Variants in ATP11C observed in about 807,000 individuals in gnomAD.
ATP11C encodes the protein phospholipid-transporting ATPase IG.
In ATP11C, 36 loss-of-function variants were observed where a neutral mutation model predicts 97.4. The observed-to-expected ratio is 0.37, with a 90% confidence interval of 0.28 to 0.49. The LOEUF (loss-of-function observed/expected upper bound fraction) is 0.49, where lower values mean the gene tolerates loss of function less well. ATP11C is among the 20% of genes least tolerant of loss of function. The pLI is 0.98. For synonymous variants in ATP11C, 275 were observed against 290.9 expected, an observed-to-expected ratio of 0.95 and a Z score of 0.56; for missense variants, 730 against 824.6, an observed-to-expected ratio of 0.89 and a Z score of 1.40.
chrX:139,767,147 A>T, intron 20 of ATP11C, among the ~76,000 whole-genome samples: 1 of 111,795 alleles, frequency 8.9e-6, no homozygotes. Flanking sequence ...GGACTAAGAA[A>T]CTACTGAAAG....
At chrX:139,760,697 T>C (rs1296637187) in intron 22 of ATP11C, among the ~76,000 whole-genome samples, 5 of 111,614 alleles carry the variant, frequency 4.5e-5, no homozygotes, top group African/African-American at 1.3e-4. Context: ...TATACGCTAA[T>C]GCTTGGTGAT....
intron 1 of ATP11C, among the ~76,000 whole-genome samples, chrX:139,865,100 G>A (rs1216951460): frequency 8.9e-6 from 1 of 112,166 alleles, no homozygotes. Flanking sequence ...TTTAAGGCCA[G>A]GCACTGTGGC....
At chrX:139,838,706 T>A (rs2147919637) in intron 1 of ATP11C, among the ~76,000 whole-genome samples, 1 of 112,445 alleles carries the variant, frequency 8.9e-6, no homozygotes, top group South Asian at 3.7e-4. Context: ...CACGGTACTT[T>A]GGGAGGCCAA....
intron 1 of ATP11C, among the ~76,000 whole-genome samples, chrX:139,874,927 A>G (rs2084444424): frequency 9.0e-6 from 1 of 111,381 alleles, no homozygotes; most frequent in African/African-American, 3.3e-5. Context: ...TTCCAAGACC[A>G]GCCAAATGTC....
In ATP11C at chrX:139,728,707, A is replaced by G; in HGVS notation, c.*259T>C. On this transcript the variant is annotated 3_prime_UTR_variant, in exon 30 of 30. Coordinates refer to ENST00000682941, the MANE Select transcript of ATP11C (RefSeq NM_001353812.2). ...AGAATTCTAAGTATTCTTGCTTTCAACTTTCATATAATTCTTAACTTACAG... is the reference window on the plus strand; with the variant it reads ...AGAATTCTAAGTATTCTTGCTTTCAGCTTTCATATAATTCTTAACTTACAG... The G allele has an allele frequency of 2.9e-6, 1 of 348,904 alleles. No homozygotes were observed. Among genetic ancestry groups the G allele is most frequent in the Non-Finnish European group, 5.1e-6 (1 of 197,864 alleles). 28.8% of individuals were successfully genotyped at this position (348,904 alleles called of 1,213,427 possible).
chrX:139,813,478 T>C (rs1215007694), intron 5 of ATP11C, among the ~76,000 whole-genome samples: 1 of 112,417 alleles, frequency 8.9e-6, no homozygotes, highest in Non-Finnish European at 1.9e-5. Flanking sequence ...CAAATGTTTA[T>C]AGCAGTTTTA....
At chrX:139,796,502 G>T in intron 11 of ATP11C, 32 bp from the exon 12 acceptor site, 1 of 955,265 alleles carries the variant, frequency 1.0e-6, no homozygotes, top group Non-Finnish European at 1.5e-6. Flanking sequence ...ATGCTAATTA[G>T]ACATACAATT....
intron 1 of ATP11C, among the ~76,000 whole-genome samples, chrX:139,929,335 G>A (rs750480395): frequency 9.0e-6 from 1 of 111,462 alleles, no homozygotes; most frequent in Non-Finnish European, 1.9e-5. Flanking sequence ...AGAAAGAAAG[G>A]AACACAGTTA....
At chrX:139,850,696 C>T (rs909657319) in intron 1 of ATP11C, among the ~76,000 whole-genome samples, 1 of 110,762 alleles carries the variant, frequency 9.0e-6, no homozygotes, top group African/African-American at 3.3e-5. Context: ...GGGTGGATCA[C>T]GAGGTCAGGA....
intron 12 of ATP11C, among the ~76,000 whole-genome samples, chrX:139,790,832 C>T (rs892619413): frequency 4.5e-5 from 5 of 111,328 alleles, no homozygotes; most frequent in Non-Finnish European, 3.8e-5. Context: ...AAGTATAACA[C>T]AAGTATATTT....
intron 1 of ATP11C, among the ~76,000 whole-genome samples, chrX:139,839,247 T>A (rs181410666): frequency 1.8e-5 from 2 of 111,901 alleles, no homozygotes; most frequent in East Asian, 5.6e-4. Flanking sequence ...AGTAACTGTT[T>A]AATAAGTATG....
At chrX:139,910,878 C>T (rs1016285375) in intron 1 of ATP11C, among the ~76,000 whole-genome samples, 2 of 110,908 alleles carry the variant, frequency 1.8e-5, no homozygotes. Flanking sequence ...TCTGAAAACA[C>T]AGTCACATAT....
At chrX:139,731,111 T>C (rs73579518) in intron 29 of ATP11C, among the ~76,000 whole-genome samples, 1,661 of 111,579 alleles carry the variant, frequency 0.015, 34 homozygotes, top group African/African-American at 0.052. Context: ...GGTTCATTGA[T>C]ATATATTTGG....
At chrX:139,729,111 G>GA in intron 29 of ATP11C, 149 bp from the exon 30 acceptor site, 1 of 411,560 alleles carries the variant, frequency 2.4e-6, no homozygotes. Context: ...ACATGCAGGG[G>GA]AAAAAAAGAG....
At chrX:139,877,749 C>T (rs775035679) in intron 1 of ATP11C, among the ~76,000 whole-genome samples, 1 of 112,376 alleles carries the variant, frequency 8.9e-6, no homozygotes, top group African/African-American at 3.2e-5. Flanking sequence ...CGGCCAAGCC[C>T]AGTGACTCAT....
intron 1 of ATP11C, among the ~76,000 whole-genome samples, chrX:139,839,912 T>G (rs1488979426): frequency 1.8e-5 from 2 of 111,009 alleles, no homozygotes; most frequent in Non-Finnish European, 3.8e-5. Context: ...TCCCTGAGTA[T>G]TCCACTGTTT....
chrX:139,895,349 T>C (rs1011890865), intron 1 of ATP11C, among the ~76,000 whole-genome samples: 36 of 111,538 alleles, frequency 3.2e-4, no homozygotes, highest in African/African-American at 1.1e-3. Context: ...TCAGTCACTG[T>C]AGTCTCCACC....
chrX:139,919,840 A>C (rs1440140034), intron 1 of ATP11C, among the ~76,000 whole-genome samples: 1 of 111,236 alleles, frequency 9.0e-6, no homozygotes, highest in Non-Finnish European at 1.9e-5. Context: ...AATTGCTTGA[A>C]CCTGGGAGGC....
At chrX:139,760,435 G>C (rs911504421) in intron 22 of ATP11C, among the ~76,000 whole-genome samples, 1 of 111,731 alleles carries the variant, frequency 9.0e-6, no homozygotes, top group Non-Finnish European at 1.9e-5. Context: ...TAAATATAAA[G>C]TTAGTAAGAA....
Sources: gnomAD v4.1 joint callset for allele counts (sites outside exome capture counted in the v4.1 genomes callset) on GRCh38, gnomAD v4.1.1 for gene constraint, MANE v1.5 for transcripts, NCBI Gene and HGNC (gene_info 2026-07-23, HGNC 2026-07-21) for gene names.